PALM2AKAP2: variants seen among roughly 807,000 people sequenced by gnomAD.
PALM2AKAP2 encodes PALM2-AKAP2 fusion protein.
A neutral mutation model predicts 71.5 loss-of-function variants in PALM2AKAP2; 37 were observed. The ratio of observed to expected loss-of-function variants is 0.52; its 90% CI spans 0.40 to 0.68. The LOEUF (loss-of-function observed/expected upper bound fraction) is 0.68. PALM2AKAP2 is among the 30% of genes least tolerant of loss of function. The pLI is 0.00. For synonymous variants in PALM2AKAP2, 468 were observed against 478.8 expected, an observed-to-expected ratio of 0.98 and a Z score of 0.29; for missense variants, 1,224 against 1,191.8, an observed-to-expected ratio of 1.03 and a Z score of -0.40.
chr9:109,953,923 A>G (rs1831695584), intron 6 of PALM2AKAP2, among the ~76,000 whole-genome samples: 1 of 151,584 alleles, frequency 6.6e-6, no homozygotes, highest in Non-Finnish European at 1.5e-5. Flanking sequence ...GAGGTTATTT[A>G]TGCAAGAAAG....
At chr9:109,871,404 C>T (rs759648762) in intron 2 of PALM2AKAP2, among the ~76,000 whole-genome samples, 40 of 152,182 alleles carry the variant, frequency 2.6e-4, no homozygotes, top group Non-Finnish European at 4.4e-4. Context: ...CTTAGCTATA[C>T]GTAGTGTGGT....
At chr9:110,145,728 G>A (rs534105697) in intron 2 of PALM2AKAP2, among the ~76,000 whole-genome samples, 1 of 151,534 alleles carries the variant, frequency 6.6e-6, no homozygotes, top group African/African-American at 2.4e-5. Flanking sequence ...AAAGGAATTG[G>A]TAAGAAAAGA....
intron 1 of PALM2AKAP2, among the ~76,000 whole-genome samples, chr9:109,660,400 A>G (rs1442191755): frequency 6.6e-6 from 1 of 152,014 alleles, no homozygotes; most frequent in Admixed American, 6.6e-5. Context: ...CCAGTGTCCA[A>G]GTAATCTCAT....
chr9:109,847,349 G>A (rs918436197), intron 1 of PALM2AKAP2, among the ~76,000 whole-genome samples: 3 of 152,190 alleles, frequency 2.0e-5, no homozygotes, highest in African/African-American at 7.2e-5. Context: ...GCTTAAAGAG[G>A]CAAAGGATGA....
intron 1 of PALM2AKAP2, among the ~76,000 whole-genome samples, chr9:109,695,977 T>C (rs1293594887): frequency 6.6e-6 from 1 of 152,172 alleles, no homozygotes; most frequent in Non-Finnish European, 1.5e-5. Flanking sequence ...TAGTTCACCA[T>C]AATTTATTGT....
chr9:109,752,169 T>G (rs1828896052), intron 1 of PALM2AKAP2, among the ~76,000 whole-genome samples: 1 of 152,138 alleles, frequency 6.6e-6, no homozygotes, highest in African/African-American at 2.4e-5. Context: ...GTGCGGTAAC[T>G]TATATGGCGA....
intron 3 of PALM2AKAP2, among the ~76,000 whole-genome samples, chr9:109,893,085 A>C (rs1354388049): frequency 1.3e-5 from 2 of 152,112 alleles, no homozygotes; most frequent in Admixed American, 1.3e-4. Flanking sequence ...TTGGAGGGGT[A>C]CACCTCACCT....
At chr9:110,078,013 C>CAAAA (rs34622810) in intron 1 of PALM2AKAP2, among the ~76,000 whole-genome samples, 1 of 97,618 alleles carries the variant, frequency 1.0e-5, no homozygotes. Flanking sequence ...GACTCAGTCT[C>CAAAA]AAAAAAAAAA....
At chr9:109,981,324 G>T (rs1489772381) in intron 6 of PALM2AKAP2, among the ~76,000 whole-genome samples, 4 of 152,196 alleles carry the variant, frequency 2.6e-5, no homozygotes, top group African/African-American at 9.6e-5. Context: ...GATGTGTGCA[G>T]GATGCTGTAG....
intron 1 of PALM2AKAP2, among the ~76,000 whole-genome samples, chr9:110,055,888 C>G (rs1051779874): frequency 2.6e-5 from 4 of 152,178 alleles, no homozygotes; most frequent in Non-Finnish European, 4.4e-5. Context: ...CACCATACCA[C>G]AGCAAGTTCC....
At chr9:109,950,819 C>T (rs1029227521) in intron 6 of PALM2AKAP2, among the ~76,000 whole-genome samples, 1 of 152,144 alleles carries the variant, frequency 6.6e-6, no homozygotes, top group Admixed American at 6.5e-5. Context: ...TATGCAATTG[C>T]CTGAAGGTGC....
chr9:110,025,467 A>G (rs1476118930), intron 7 of PALM2AKAP2: 4 of 634,460 alleles, frequency 6.3e-6, no homozygotes, highest in African/African-American at 3.7e-5. Context: ...GGCAGTAAGT[A>G]TTCTTGCTAT....
At chr9:109,651,832 C>A (rs1192616675) in intron 1 of PALM2AKAP2, among the ~76,000 whole-genome samples, 1 of 152,070 alleles carries the variant, frequency 6.6e-6, no homozygotes, top group East Asian at 1.9e-4. Context: ...GAGGGAAGAC[C>A]AATCTCAGTT....
chr9:110,067,382 A>G (rs1393015402), intron 1 of PALM2AKAP2, among the ~76,000 whole-genome samples: 2 of 152,248 alleles, frequency 1.3e-5, no homozygotes, highest in African/African-American at 4.8e-5. Context: ...TCTAGAATGT[A>G]AGTTTCAAAC....
chr9:109,983,055 G>A (rs1832305779), intron 6 of PALM2AKAP2, among the ~76,000 whole-genome samples: 1 of 152,210 alleles, frequency 6.6e-6, no homozygotes, highest in Non-Finnish European at 1.5e-5. Context: ...ACTGCACGTA[G>A]CCTCACCTAC....
At chr9:110,048,628 G>A (rs968776102), upstream of PALM2AKAP2, 7 of 1,422,438 alleles carry the variant, frequency 4.9e-6, no homozygotes, top group Non-Finnish European at 6.4e-6. Flanking sequence ...GGCGGGGAAG[G>A]GGCGGGCCCC....
intron 2 of PALM2AKAP2, among the ~76,000 whole-genome samples, chr9:109,869,213 T>C (rs1243707771): frequency 2.0e-5 from 3 of 152,206 alleles, no homozygotes; most frequent in Non-Finnish European, 4.4e-5. Context: ...GGATTTTTTT[T>C]CTTTGGTCTC....
At chr9:109,659,317 T>C (rs1386311405) in intron 1 of PALM2AKAP2, among the ~76,000 whole-genome samples, 1 of 152,144 alleles carries the variant, frequency 6.6e-6, no homozygotes, top group African/African-American at 2.4e-5. Flanking sequence ...ATAAAGTCCA[T>C]CCACAAAGCC....
At chr9:109,975,957 G>A (rs772723955) in intron 6 of PALM2AKAP2, among the ~76,000 whole-genome samples, 3 of 152,214 alleles carry the variant, frequency 2.0e-5, no homozygotes, top group Non-Finnish European at 4.4e-5. Flanking sequence ...TTTTAATAAT[G>A]CAGTATTTTA....
Sources: gnomAD v4.1 joint callset for allele counts (sites outside exome capture counted in the v4.1 genomes callset) on GRCh38, gnomAD v4.1.1 for gene constraint, MANE v1.5 for transcripts, NCBI Gene and HGNC (gene_info 2026-07-23, HGNC 2026-07-21) for gene names.